Variants in SLC9A9 observed in about 807,000 individuals in gnomAD.
The protein encoded by SLC9A9 is sodium/hydrogen exchanger 9.
In SLC9A9, 62 loss-of-function variants were observed where a neutral mutation model predicts 77.8. The ratio of observed to expected loss-of-function variants is 0.80; its 90% CI spans 0.65 to 0.98. The LOEUF (loss-of-function observed/expected upper bound fraction) is 0.98. SLC9A9 is among the 50% of genes least tolerant of loss of function. The pLI is 0.00. For synonymous variants in SLC9A9, 320 were observed against 283.5 expected, an observed-to-expected ratio of 1.13 and a Z score of -1.29; for missense variants, 775 against 774.9, an observed-to-expected ratio of 1.00 and a Z score of 0.00.
chr3:143,727,502 C>T (rs141161877), intron 4 of SLC9A9, among the ~76,000 whole-genome samples: 92 of 152,136 alleles, frequency 6.0e-4, no homozygotes, highest in African/African-American at 2.2e-3. Flanking sequence ...CCTATGAGAA[C>T]CAAAATTTCT....
At chr3:143,578,544 T>A in intron 7 of SLC9A9, 41 bp downstream of exon 7, 1 of 1,613,474 alleles carries the variant, frequency 6.2e-7, no homozygotes, top group South Asian at 1.1e-5. Context: ...ATACTGACTG[T>A]TCTTGACAGT....
chr3:143,680,546 A>G (rs1324243665), intron 5 of SLC9A9, among the ~76,000 whole-genome samples: 2 of 152,152 alleles, frequency 1.3e-5, no homozygotes, highest in East Asian at 3.8e-4. Flanking sequence ...TATTAAAATT[A>G]GTATCAAATA....
chr3:143,727,578 T>C (rs1044882114), intron 4 of SLC9A9, among the ~76,000 whole-genome samples: 5 of 152,188 alleles, frequency 3.3e-5, no homozygotes, highest in African/African-American at 1.2e-4. Context: ...TAGTGAATCA[T>C]ATTTTATTCA....
At chr3:143,452,723 A>G (rs920699852) in intron 12 of SLC9A9, among the ~76,000 whole-genome samples, 2 of 83,480 alleles carry the variant, frequency 2.4e-5, no homozygotes, top group East Asian at 1.5e-3. Context: ...TGGTTATCTA[A>G]GAGAATGTCC....
intron 4 of SLC9A9, among the ~76,000 whole-genome samples, chr3:143,758,831 T>C (rs2007017361): frequency 6.6e-6 from 1 of 152,082 alleles, no homozygotes; most frequent in South Asian, 2.1e-4. Context: ...ATGTCTACAT[T>C]TAATGACAGA....
chr3:143,393,118 C>T (rs144132278), intron 12 of SLC9A9, among the ~76,000 whole-genome samples: 229 of 152,308 alleles, frequency 1.5e-3, no homozygotes, highest in Non-Finnish European at 2.7e-3. Flanking sequence ...ACAGAACTCT[C>T]CACCTCAAAA....
chr3:143,654,100 T>G (rs1325000304), intron 5 of SLC9A9, among the ~76,000 whole-genome samples: 1 of 152,222 alleles, frequency 6.6e-6, no homozygotes, highest in East Asian at 1.9e-4. Flanking sequence ...AGCAATGTAT[T>G]GTACACTTGA....
intron 4 of SLC9A9, among the ~76,000 whole-genome samples, chr3:143,780,546 A>C (rs116138883): frequency 0.019 from 2,911 of 152,348 alleles, 34 homozygotes; most frequent in African/African-American, 0.026. Flanking sequence ...AAACCTCAAG[A>C]GGGCTAATAT....
intron 9 of SLC9A9, among the ~76,000 whole-genome samples, chr3:143,544,957 T>G (rs891622788): frequency 6.6e-6 from 1 of 152,158 alleles, no homozygotes; most frequent in Admixed American, 6.5e-5. Flanking sequence ...GTTGCCTGTG[T>G]CAAAGACCAG....
chr3:143,795,094 A>G lies in SLC9A9; in HGVS notation c.457-17T>C. 6.2e-7 allele frequency: 1 copy of G among 1,601,890 alleles called. No individual in the cohort carries two copies. Among genetic ancestry groups the G allele is most frequent in the Non-Finnish European group, 8.5e-7 (1 of 1,170,178 alleles). On this transcript the variant is annotated splice_polypyrimidine_tract_variant and intron_variant, in intron 3 of 15. Coordinates refer to ENST00000316549, the MANE Select transcript of SLC9A9 (RefSeq NM_173653.4). ...AAAGTGTCTCTGGGGAGAAAAAAAG[A>G]TATTTAATAGAGTACATCAGAATTT...
At chr3:143,801,256 C>A (rs940786656) in intron 2 of SLC9A9, among the ~76,000 whole-genome samples, 1 of 152,174 alleles carries the variant, frequency 6.6e-6, no homozygotes, top group African/African-American at 2.4e-5. Context: ...CCCTGTAGAC[C>A]TTTTGTCCAA....
In SLC9A9 at chr3:143,268,965, A is replaced by T. The variant is rs1282089562; in HGVS notation, c.1620T>A (p.Ile540=). 2.5e-6 allele frequency: 4 copies of T among 1,613,374 alleles called. No individual in the cohort carries two copies. The South Asian group carries it at 4.4e-5, about 18-fold the overall frequency. ...TCAGCGGAGGACCAGAGTGGGTTAAAATTGGTTTCAGATACCTGGGAGGCC... is the reference window on the plus strand; with the variant it reads ...TCAGCGGAGGACCAGAGTGGGTTAATATTGGTTTCAGATACCTGGGAGGCC... The part of the protein sequence containing the change: ...YSFDHKYLKP[I]LTHSGPPLTT... Residue 540 remains isoleucine (I), a synonymous_variant, in exon 15 of 16, where the codon ATT becomes ATA. Coordinates refer to ENST00000316549, the MANE Select transcript of SLC9A9 (RefSeq NM_173653.4).
chr3:143,642,903 A>T (rs559934334), intron 6 of SLC9A9, among the ~76,000 whole-genome samples: 2 of 151,310 alleles, frequency 1.3e-5, no homozygotes, highest in East Asian at 3.9e-4. Flanking sequence ...TTCTTTTCTA[A>T]TTTTTCCCCA....
At chr3:143,742,657 T>C in intron 4 of SLC9A9, among the ~76,000 whole-genome samples, 1 of 152,124 alleles carries the variant, frequency 6.6e-6, no homozygotes, top group East Asian at 1.9e-4. Context: ...AATGGGATCC[T>C]GGGACAGAAA....
chr3:143,384,115 T>C (rs912583615), intron 12 of SLC9A9, among the ~76,000 whole-genome samples: 3 of 151,042 alleles, frequency 2.0e-5, no homozygotes, highest in Non-Finnish European at 2.9e-5. Context: ...TTGATTGATG[T>C]CATCTGAGGA....
At chr3:143,404,326 A>G (rs755722754) in intron 12 of SLC9A9, among the ~76,000 whole-genome samples, 17 of 151,788 alleles carry the variant, frequency 1.1e-4, no homozygotes, top group Non-Finnish European at 2.2e-4. Context: ...GGTGCCTGCC[A>G]CCACACCTAA....
chr3:143,496,952 C>G (rs861418), intron 9 of SLC9A9, among the ~76,000 whole-genome samples: 1 of 151,836 alleles, frequency 6.6e-6, no homozygotes, highest in African/African-American at 2.4e-5. Context: ...GCCATCTACT[C>G]GCTATGTCCT....
At chr3:143,629,202 T>C (rs758580721) in intron 6 of SLC9A9, among the ~76,000 whole-genome samples, 2 of 152,152 alleles carry the variant, frequency 1.3e-5, no homozygotes, top group African/African-American at 4.8e-5. Flanking sequence ...AAATAATTTA[T>C]CAATTAATAG....
At chr3:143,431,942 C>T (rs1315342572) in intron 12 of SLC9A9, among the ~76,000 whole-genome samples, 1 of 152,150 alleles carries the variant, frequency 6.6e-6, no homozygotes, top group Non-Finnish European at 1.5e-5. Context: ...CTTCCTCCTC[C>T]CAGTCTTTAC....
Sources: gnomAD v4.1 joint callset for allele counts (sites outside exome capture counted in the v4.1 genomes callset) on GRCh38, gnomAD v4.1.1 for gene constraint, MANE v1.5 for transcripts, NCBI Gene and HGNC (gene_info 2026-07-23, HGNC 2026-07-21) for gene names.